Variants in PCDH11X observed in about 807,000 individuals in gnomAD.
PCDH11X encodes protocadherin 11 X-linked.
A neutral mutation model predicts 53.3 loss-of-function variants in PCDH11X; 18 were observed. The observed-to-expected ratio is 0.34, with a 90% CI of 0.23 to 0.50. PCDH11X has a LOEUF of 0.50. Ranked by LOEUF, PCDH11X falls within the 20% of genes least tolerant of loss-of-function variation. The pLI is 0.98. For synonymous variants in PCDH11X, 279 were observed against 393.3 expected (o/e 0.71, Z 3.44); for missense variants, 570 against 1,032.4 (o/e 0.55, Z 6.14).
rs760703159 is a variant in PCDH11X at position 92,518,974 on chromosome X, G to T, written c.3367+50652G>T. Reference sequence around the variant, plus strand: ...GGGATTCACCGTGTTAGCCAGGATGGTCTTGATCTCCTGACCTCGTGATCC... The same window carrying T: ...GGGATTCACCGTGTTAGCCAGGATGTTCTTGATCTCCTGACCTCGTGATCC... On this transcript the variant is annotated intron_variant, in intron 10 of 10. Transcript: ENST00000682573. Among the ~76,000 whole-genome samples, 137 of 109,132 alleles carry T rather than the reference G, an allele frequency of 1.3e-3. 1 individual carries two copies. Among genetic ancestry groups the T allele is most frequent in the African/African-American group, 4.4e-3 (132 of 30,016 alleles). The allele number at this position is 109,132 out of a possible 115,157, so 94.8% of individuals were successfully genotyped here. A position where few individuals can be genotyped will look rare whatever the true frequency, so the allele number is the denominator to read the frequency against.
At chrX:91,937,028 C>G (rs1032350870) in intron 6 of PCDH11X, among the ~76,000 whole-genome samples, 7 of 109,841 alleles carry the variant, frequency 6.4e-5, no homozygotes, top group African/African-American at 2.3e-4. Context: ...GATTGATATG[C>G]TAGATACTTG....
chrX:92,573,966 G>C (rs763096887), intron 10 of PCDH11X, among the ~76,000 whole-genome samples: 7 of 110,736 alleles, frequency 6.3e-5, no homozygotes, highest in Non-Finnish European at 1.3e-4. Flanking sequence ...ATTTAAGACT[G>C]AATGGCTTTT....
At chrX:92,047,252 G>A (rs369172188) in intron 6 of PCDH11X, among the ~76,000 whole-genome samples, 23 of 100,571 alleles carry the variant, frequency 2.3e-4, no homozygotes, top group Non-Finnish European at 3.9e-4. Context: ...TTTATATTTG[G>A]CAATAATTTA....
chrX:92,357,457 T>C (rs1353051869), intron 8 of PCDH11X, among the ~76,000 whole-genome samples: 1 of 109,594 alleles, frequency 9.1e-6, no homozygotes, highest in Non-Finnish European at 1.9e-5. Flanking sequence ...CCTAAGGTGA[T>C]AGTATTAGGA....
intron 10 of PCDH11X, among the ~76,000 whole-genome samples, chrX:92,511,036 G>A (rs1410322755): frequency 9.0e-6 from 1 of 111,350 alleles, no homozygotes; most frequent in African/African-American, 3.3e-5. Context: ...TTCCCCAGAT[G>A]TAATTTAGGA....
At chrX:91,921,069 G>A (rs1454853361) in intron 6 of PCDH11X, among the ~76,000 whole-genome samples, 4 of 111,715 alleles carry the variant, frequency 3.6e-5, no homozygotes, top group Non-Finnish European at 7.5e-5. Context: ...TCCAGTGATG[G>A]TTCATCTGTG....
chrX:92,360,977 T>G (rs1278486505), intron 8 of PCDH11X, among the ~76,000 whole-genome samples: 135 of 109,722 alleles, frequency 1.2e-3, no homozygotes, highest in Non-Finnish European at 2.3e-3. Context: ...ATTAAATCTC[T>G]TATTATTTCT....
At position 91,872,561 on chromosome X, in the gene PCDH11X, T is replaced by C. The variant is rs1329327971; in HGVS notation, c.541-4220T>C. Reference sequence around the variant, plus strand: ...AGCTTCATGCCATATTACCCTACACTCACATTATTTAGTATATGAAGGCGT... The same window carrying C: ...AGCTTCATGCCATATTACCCTACACCCACATTATTTAGTATATGAAGGCGT... On this transcript the variant is annotated intron_variant, in intron 5 of 10. Transcript: ENST00000682573. Among the ~76,000 whole-genome samples the C allele has an allele frequency of 3.6e-5, 4 of 110,734 alleles. No homozygotes were observed. In the South Asian group the frequency reaches 1.1e-3, roughly 32 times the overall value.
At chrX:92,277,054 A>G (rs756261963) in intron 8 of PCDH11X, among the ~76,000 whole-genome samples, 29 of 110,570 alleles carry the variant, frequency 2.6e-4, no homozygotes, top group Non-Finnish European at 5.5e-4. Flanking sequence ...CGATAAAGAG[A>G]TTATAGGGTG....
intron 10 of PCDH11X, among the ~76,000 whole-genome samples, chrX:92,516,667 T>A (rs904853419): frequency 2.7e-5 from 3 of 112,224 alleles, no homozygotes; most frequent in African/African-American, 9.7e-5. Context: ...CAGTGTATTT[T>A]CCAAAGTATG....
At chrX:92,488,453 C>A (rs892322067) in intron 10 of PCDH11X, among the ~76,000 whole-genome samples, 1 of 109,797 alleles carries the variant, frequency 9.1e-6, no homozygotes, top group Middle Eastern at 4.3e-3. Flanking sequence ...TTGTCTATTC[C>A]CTTAGTAAAG....
At chrX:91,855,104 T>A (rs946630565) in intron 5 of PCDH11X, among the ~76,000 whole-genome samples, 7 of 112,051 alleles carry the variant, frequency 6.2e-5, no homozygotes, top group Non-Finnish European at 1.3e-4. Flanking sequence ...GTTTCCAATG[T>A]TTTCTTGTAT....
chrX:92,176,506 G>A (rs938288282), intron 6 of PCDH11X, among the ~76,000 whole-genome samples: 2 of 111,870 alleles, frequency 1.8e-5, no homozygotes, highest in African/African-American at 6.5e-5. Context: ...TTCAACATGC[G>A]AAACATTTGT....
intron 6 of PCDH11X, among the ~76,000 whole-genome samples, chrX:92,088,754 G>T (rs1473175933): frequency 9.0e-6 from 1 of 111,459 alleles, no homozygotes; most frequent in Non-Finnish European, 1.9e-5. Flanking sequence ...TCCAAGAATT[G>T]GTCTTTCTTT....
chrX:92,134,683 T>G (rs2065055454), intron 6 of PCDH11X, among the ~76,000 whole-genome samples: 1 of 110,987 alleles, frequency 9.0e-6, no homozygotes. Flanking sequence ...GGTAATTTCT[T>G]GATTATATGC....
intron 6 of PCDH11X, among the ~76,000 whole-genome samples, chrX:92,156,948 A>C (rs778468706): frequency 1.8e-5 from 2 of 111,932 alleles, no homozygotes; most frequent in African/African-American, 6.5e-5. Context: ...AACGACCTTC[A>C]TAAGAGAGAT....
intron 10 of PCDH11X, among the ~76,000 whole-genome samples, chrX:92,486,747 G>GAT (rs1200819464): frequency 6.5e-5 from 7 of 108,328 alleles, no homozygotes; most frequent in African/African-American, 2.4e-4. Flanking sequence ...AAACTTACCA[G>GAT]ATATTTCTGA....
At chrX:92,057,928 C>T in intron 6 of PCDH11X, among the ~76,000 whole-genome samples, 1 of 88,925 alleles carries the variant, frequency 1.1e-5, no homozygotes, top group South Asian at 4.3e-4. Context: ...TTCACAGCCA[C>T]GTATAATAAA....
intron 10 of PCDH11X, among the ~76,000 whole-genome samples, chrX:92,476,101 A>C (rs971068927): frequency 9.0e-6 from 1 of 111,057 alleles, no homozygotes; most frequent in East Asian, 2.9e-4. Flanking sequence ...TGTTCTCATG[A>C]TAGTGAATGA....
Sources: gnomAD v4.1 joint callset for allele counts (sites outside exome capture counted in the v4.1 genomes callset) on GRCh38, gnomAD v4.1.1 for gene constraint, MANE v1.5 for transcripts, NCBI Gene and HGNC (gene_info 2026-07-23, HGNC 2026-07-21) for gene names.